REV3L: variants seen among roughly 807,000 people sequenced by gnomAD.
The protein encoded by REV3L is REV3 like, DNA directed polymerase zeta catalytic subunit.
In REV3L, 69 loss-of-function variants were observed where a neutral mutation model predicts 299.4. The ratio of observed to expected loss-of-function variants is 0.23; its 90% CI spans 0.19 to 0.28. The LOEUF (loss-of-function observed/expected upper bound fraction) is 0.28. REV3L is among the 10% of genes least tolerant of loss of function. REV3L has a pLI of 1.00. For synonymous variants in REV3L, 1,238 were observed against 1,271.4 expected (o/e 0.97, Z 0.56); for missense variants, 3,128 against 3,693.8 (o/e 0.85, Z 3.97).
intron 1 of REV3L, among the ~76,000 whole-genome samples, chr6:111,434,618 CAA>C (rs1280352557): frequency 2.2e-4 from 17 of 78,780 alleles, no homozygotes; most frequent in Non-Finnish European, 2.5e-4. Context: ...GACTCCGTCT[CAA>C]AAAAAAAAAA....
rs967695502 is a variant in REV3L at position 111,386,110 on chromosome 6, A to T, written c.1096+1655T>A. On this transcript the variant is annotated intron_variant, in intron 9 of 31. Transcript: ENST00000368802. ...CTGTTAGAACAGATGCTATCTAGGT[A>T]GAGTACAATGCATACACCCTAACAT... Among the ~76,000 whole-genome samples, 5 of 152,240 alleles carry T rather than the reference A, an allele frequency of 3.3e-5. No individual in the cohort carries two copies. The East Asian group carries it at 9.6e-4, about 29-fold the overall frequency.
Position 111,367,210 on chromosome 6 carries a change from T to A in REV3L, c.6578A>T (p.Lys2193Ile). The A allele has an allele frequency of 1.2e-6, 2 of 1,614,058 alleles. No individual in the cohort carries two copies. The highest frequency in any genetic ancestry group is 1.7e-6 in the Non-Finnish European group (2 of 1,179,972). Residue 2193 changes from lysine to isoleucine, a missense_variant, in exon 14 of 32, where the codon AAA becomes ATA. By Grantham distance (102) the Lys-to-Ile change is moderately radical (BLOSUM62 -3). Coordinates refer to ENST00000368802, the MANE Select transcript of REV3L (RefSeq NM_001372078.1). ...ACTATGAAAGCAAAGTGATTCACAT[T>A]TCCCAGTTCTTGCCCTAGTATTAAT... ...SPINTRARTGKCESLCFHSTP... is the reference protein window; with the variant it reads ...SPINTRARTGICESLCFHSTP...
chr6:111,367,091 A>G, intron 14 of REV3L, 24 bp downstream of exon 14: 3 of 1,501,216 alleles, frequency 2.0e-6, no homozygotes, highest in South Asian at 1.3e-5. Context: ...AATTATGGAG[A>G]CTTCCTGTTA....
chr6:111,379,028 A>G (rs1005606781), intron 11 of REV3L, among the ~76,000 whole-genome samples: 1 of 152,166 alleles, frequency 6.6e-6, no homozygotes, highest in African/African-American at 2.4e-5. Flanking sequence ...ATCTCTCTCT[A>G]ATATATGTGT....
At chr6:111,424,219 A>T (rs753542377) in intron 1 of REV3L, among the ~76,000 whole-genome samples, 52 of 152,210 alleles carry the variant, frequency 3.4e-4, no homozygotes, top group Non-Finnish European at 4.9e-4. Flanking sequence ...TGATAATATA[A>T]ACATATTAGC....
In REV3L at chr6:111,300,052, C is replaced by T; in HGVS notation, c.9357G>A (p.Lys3119=). The T allele has an allele frequency of 6.2e-7, 1 of 1,613,494 alleles. No individual in the cohort carries two copies. The highest frequency in any genetic ancestry group is 2.2e-5 in the East Asian group (1 of 44,840). Residue 3119 remains lysine, a synonymous_variant, in exon 32 of 32, where the codon AAG becomes AAA. Coordinates refer to ENST00000368802, the MANE Select transcript of REV3L (RefSeq NM_001372078.1). ...KLSRVNRELS[K]APYLRQLLDQ... is the part of the protein sequence containing the mutation. Reference sequence around the variant, plus strand: ...CTAATAACTGCCGGAGATATGGTGCCTTGGACAATTCTCTATTTACTCGGG... The same window carrying T: ...CTAATAACTGCCGGAGATATGGTGCTTTGGACAATTCTCTATTTACTCGGG...
chr6:111,347,192 C>A (rs1777115575), intron 20 of REV3L, among the ~76,000 whole-genome samples: 2 of 151,832 alleles, frequency 1.3e-5, no homozygotes, highest in Admixed American at 1.3e-4. Context: ...TTGCTTGAAC[C>A]CAGGAGGCGG....
At chr6:111,405,774 T>C (rs1783555280) in intron 3 of REV3L, 144 bp from the exon 4 acceptor site, 1 of 558,376 alleles carries the variant, frequency 1.8e-6, no homozygotes, top group African/African-American at 2.0e-5. Context: ...TGTATTTTGT[T>C]AGAAATTAAA....
intron 1 of REV3L, chr6:111,430,836 G>A: frequency 6.2e-7 from 1 of 1,608,496 alleles, no homozygotes. Context: ...AACAGTCAGT[G>A]CAAATTGGAA....
chr6:111,412,206 G>A (rs1363894020), intron 2 of REV3L: 37 of 985,102 alleles, frequency 3.8e-5, no homozygotes, highest in Non-Finnish European at 4.3e-5. Flanking sequence ...AAAAAACTGT[G>A]TAGACAGGAA....
intron 16 of REV3L, among the ~76,000 whole-genome samples, chr6:111,359,474 T>TA (rs1458039739): frequency 1.4e-5 from 2 of 144,968 alleles, no homozygotes; most frequent in Admixed American, 7.2e-5. Context: ...TACTTAAACT[T>TA]AGACTTTTGC....
chr6:111,452,574 C>G (rs534336198), intron 1 of REV3L, among the ~76,000 whole-genome samples: 1 of 152,014 alleles, frequency 6.6e-6, no homozygotes, highest in African/African-American at 2.4e-5. Flanking sequence ...ATAAGAAAGT[C>G]TAGAAATGGC....
At chr6:111,347,533 A>G (rs1777152614) in intron 20 of REV3L, among the ~76,000 whole-genome samples, 3 of 152,284 alleles carry the variant, frequency 2.0e-5, no homozygotes, top group South Asian at 2.1e-4. Context: ...GATAATAATA[A>G]TAAGTATATA....
chr6:111,335,588 CA>C lies in REV3L; in HGVS notation c.7560del (p.Tyr2520Ter). On this transcript the variant is annotated frameshift_variant, in exon 22 of 32. Coordinates refer to ENST00000368802, the MANE Select transcript of REV3L (RefSeq NM_001372078.1). LOFTEE classifies it high-confidence loss of function. ...TGGAGATTTCCACGGACACGGCTAA[CA>C]TAATGATCAACCATTTTCCATCTGT... ...DLYRWKMVDH[Y>X]VSRVRGNLQM... 6.2e-7 allele frequency: 1 copy of C among 1,609,274 alleles called. No individual in the cohort carries two copies. The highest frequency in any genetic ancestry group is 8.5e-7 in the Non-Finnish European group (1 of 1,177,854).
At chr6:111,482,510 G>A (rs1421766381) in intron 1 of REV3L, among the ~76,000 whole-genome samples, 4 of 151,520 alleles carry the variant, frequency 2.6e-5, no homozygotes, top group Non-Finnish European at 5.9e-5. Context: ...CTAAACACGC[G>A]GCGCTCGCCA....
Position 111,387,888 on chromosome 6 carries a change from T to A in REV3L, c.973A>T (p.Ser325Cys), listed in dbSNP as rs1249631066. The part of the protein sequence containing the change: ...SVTLSGSVDY[S>C]DGSQEFSAEL... The stretch of plus-strand genomic sequence containing the variant: ...GCAGAGAACTCCTGGGATCCATCGC[T>A]GTAGTCCACAGATCCTGATAATGTT... The change falls in exon 9 of 32, where the codon AGC becomes TGC. Residue 325 changes from serine to cysteine, a missense_variant. By Grantham distance (112) the Ser-to-Cys change is moderately radical (BLOSUM62 -1). Coordinates refer to ENST00000368802, the MANE Select transcript of REV3L (RefSeq NM_001372078.1). 4 of 1,613,994 alleles carry A rather than the reference T, an allele frequency of 2.5e-6. No homozygotes were observed. The highest frequency in any genetic ancestry group is 3.4e-6 in the Non-Finnish European group (4 of 1,179,912).
chr6:111,340,679 A>G (rs1403132504), intron 21 of REV3L, among the ~76,000 whole-genome samples: 1 of 152,100 alleles, frequency 6.6e-6, no homozygotes, highest in East Asian at 1.9e-4. Context: ...AGTCAGACTT[A>G]TTTTTTTGTA....
intron 1 of REV3L, among the ~76,000 whole-genome samples, chr6:111,479,877 A>G (rs1172052356): frequency 2.0e-5 from 3 of 152,148 alleles, no homozygotes; most frequent in African/African-American, 7.2e-5. Context: ...GAGCTTTTAA[A>G]CCCAAAACAC....
In REV3L at chr6:111,326,605, A is replaced by ACC. The variant is rs35434609; in HGVS notation, c.8241+2925_8241+2926dup. 1.8e-3 allele frequency among the ~76,000 whole-genome samples: 260 copies of ACC among 146,228 alleles called. 2 individuals are homozygous for ACC. Among genetic ancestry groups the ACC allele is most frequent in the Middle Eastern group, 7.4e-3 (2 of 272 alleles). On this transcript the variant is annotated intron_variant, in intron 25 of 31. Coordinates refer to ENST00000368802, the MANE Select transcript of REV3L (RefSeq NM_001372078.1). Reference sequence around the variant, plus strand: ...CCAGATATCCCACTGCTGGGTATATACCCCCCCCAAAAAAAAAAATGGAAA... The same window carrying ACC: ...CCAGATATCCCACTGCTGGGTATATACCCCCCCCCCAAAAAAAAAAATGGAAA...
Sources: gnomAD v4.1 joint callset for allele counts (sites outside exome capture counted in the v4.1 genomes callset) on GRCh38, gnomAD v4.1.1 for gene constraint, MANE v1.5 for transcripts, NCBI Gene and HGNC (gene_info 2026-07-23, HGNC 2026-07-21) for gene names.